The following RNF121 variants were observed in gnomAD, a reference collection of about 807,000 sequenced individuals.
RNF121 encodes the protein E3 ubiquitin ligase RNF121.
RNF121 carries 21 observed loss-of-function variants against 46.5 expected under a neutral mutation model. The observed-to-expected ratio is 0.45, with a 90% CI of 0.32 to 0.65. The LOEUF is 0.65. Among genes scored for constraint, RNF121 ranks in the 30% least tolerant of loss-of-function variants. The pLI is 0.04. For missense variants in RNF121, 346 were observed against 416.0 expected, an observed-to-expected ratio of 0.83 and a Z score of 1.46; for synonymous variants, 139 against 144.7, an observed-to-expected ratio of 0.96 and a Z score of 0.28.
intron 3 of RNF121, among the ~76,000 whole-genome samples, chr11:71,970,611 A>G (rs956229515): frequency 6.6e-6 from 1 of 152,144 alleles, no homozygotes; most frequent in African/African-American, 2.4e-5. Context: ...TCAGTAAACT[A>G]TGATCACGTC....
chr11:71,970,512 A>ATTT (rs1406876434), intron 3 of RNF121, among the ~76,000 whole-genome samples: 9 of 152,094 alleles, frequency 5.9e-5, no homozygotes, highest in Non-Finnish European at 1.2e-4. Context: ...AATTTTAAAA[A>ATTT]TTAGCTGACT....
intron 1 of RNF121, among the ~76,000 whole-genome samples, chr11:71,940,731 C>T (rs1391519974): frequency 6.6e-6 from 1 of 152,114 alleles, no homozygotes; most frequent in African/African-American, 2.4e-5. Context: ...TGAGGTAAAC[C>T]AGACATGGGA....
intron 3 of RNF121, among the ~76,000 whole-genome samples, chr11:71,973,073 C>T (rs1195854606): frequency 2.0e-5 from 3 of 152,018 alleles, no homozygotes; most frequent in Non-Finnish European, 4.4e-5. Flanking sequence ...GTAATCCCAG[C>T]TACTCGGAAG....
chr11:71,958,877 T>G (rs1954057850), intron 2 of RNF121, among the ~76,000 whole-genome samples: 1 of 152,252 alleles, frequency 6.6e-6, no homozygotes, highest in African/African-American at 2.4e-5. Context: ...TGGTCTTTTC[T>G]AGATCATTCT....
At chr11:71,995,896 A>G (rs1437000632) in intron 8 of RNF121, among the ~76,000 whole-genome samples, 1 of 152,120 alleles carries the variant, frequency 6.6e-6, no homozygotes, top group Non-Finnish European at 1.5e-5. Context: ...ATTTATCTCT[A>G]TACCTCTCTC....
intron 4 of RNF121, among the ~76,000 whole-genome samples, chr11:71,984,436 C>T (rs1954725430): frequency 6.6e-6 from 1 of 152,050 alleles, no homozygotes; most frequent in Non-Finnish European, 1.5e-5. Flanking sequence ...CCCGCCACCA[C>T]ACCTGGCTAA....
intron 3 of RNF121, among the ~76,000 whole-genome samples, chr11:71,975,666 A>G (rs980859890): frequency 6.6e-6 from 1 of 152,328 alleles, no homozygotes; most frequent in South Asian, 2.1e-4. Context: ...AGTCATTAGC[A>G]TGGCATCCAG....
intron 1 of RNF121, among the ~76,000 whole-genome samples, chr11:71,946,609 T>G (rs1227984907): frequency 6.6e-6 from 1 of 151,324 alleles, no homozygotes; most frequent in African/African-American, 2.4e-5. Context: ...TTACCAGGGC[T>G]TGGGGATGGG....
intron 1 of RNF121, among the ~76,000 whole-genome samples, chr11:71,946,112 A>AAAAAG (rs748193761): frequency 8.5e-5 from 13 of 152,120 alleles, no homozygotes; most frequent in South Asian, 4.2e-4. Context: ...CTCTGCCTTA[A>AAAAAG]AAAAGAAAAG....
At chr11:71,947,650 G>C (rs1433880219) in intron 1 of RNF121, among the ~76,000 whole-genome samples, 1 of 152,172 alleles carries the variant, frequency 6.6e-6, no homozygotes, top group African/African-American at 2.4e-5. Flanking sequence ...AAGGTCGCTG[G>C]TTGGGCCATA....
chr11:71,955,690 T>G (rs1953974284), intron 1 of RNF121, among the ~76,000 whole-genome samples: 1 of 152,106 alleles, frequency 6.6e-6, no homozygotes, highest in African/African-American at 2.4e-5. Context: ...ATAGATAGGC[T>G]TGGTAAGATG....
chr11:71,959,067 G>C (rs573091914), intron 2 of RNF121, among the ~76,000 whole-genome samples: 1 of 152,284 alleles, frequency 6.6e-6, no homozygotes, highest in Middle Eastern at 3.4e-3. Flanking sequence ...CCTTTTGACA[G>C]ATGAAGAAAT....
chr11:71,968,641 CACTA>C (rs1351498926), intron 3 of RNF121, among the ~76,000 whole-genome samples: 1 of 152,150 alleles, frequency 6.6e-6, no homozygotes, highest in Non-Finnish European at 1.5e-5. Context: ...TAATTAATAA[CACTA>C]GCTAGCATTT....
At position 71,948,539 on chromosome 11, in the gene RNF121, A is replaced by T. The variant is rs993838552; in HGVS notation, c.64-8688A>T. Among the ~76,000 whole-genome samples, 5 of 144,940 alleles carry T rather than the reference A, an allele frequency of 3.4e-5. No individual in the cohort carries two copies. In the South Asian group the frequency reaches 1.1e-3, roughly 31 times the overall value. ...AAAAAAAAAAAAAAAAAAAAAAAAA[A>T]GCTTATCAACTCAGCTGGCCAGGAG... On this transcript the variant is annotated intron_variant, in intron 1 of 8. Coordinates refer to ENST00000361756, the MANE Select transcript of RNF121 (RefSeq NM_018320.5).
chr11:71,958,835 A>G (rs932256561), intron 2 of RNF121, among the ~76,000 whole-genome samples: 8 of 152,234 alleles, frequency 5.3e-5, no homozygotes, highest in African/African-American at 1.9e-4. Context: ...TGATTTTTGC[A>G]TTGGGTGGGA....
Position 71,994,870 on chromosome 11 carries a change from C to T in RNF121, c.761+18C>T. The T allele has an allele frequency of 6.2e-7, 1 of 1,614,054 alleles. No individual in the cohort carries two copies. The highest frequency in any genetic ancestry group is 8.5e-7 in the Non-Finnish European group (1 of 1,179,980). On this transcript the variant is annotated intron_variant, in intron 7 of 8. Coordinates refer to ENST00000361756, the MANE Select transcript of RNF121 (RefSeq NM_018320.5). ...AATCATGTGTATCCTGCCTCGAGCT[C>T]CTGGGCCACATCTCTCCTGCAATCT...
At chr11:71,973,166 A>G (rs145831280) in intron 3 of RNF121, among the ~76,000 whole-genome samples, 372 of 152,102 alleles carry the variant, frequency 2.4e-3, no homozygotes, top group Middle Eastern at 0.01. Flanking sequence ...AGCCTAGGCA[A>G]CAAGAGTGAA....
chr11:71,960,708 C>T (rs1246041384), intron 2 of RNF121, 42 bp from the exon 3 acceptor site: 1 of 1,595,702 alleles, frequency 6.3e-7, no homozygotes, highest in Admixed American at 1.7e-5. Flanking sequence ...TTTATCACTA[C>T]AGCATCCCTG....
chr11:71,945,427 A>G (rs534694454), intron 1 of RNF121, among the ~76,000 whole-genome samples: 4 of 152,340 alleles, frequency 2.6e-5, no homozygotes, highest in Admixed American at 6.5e-5. Flanking sequence ...TTCTTCTGCA[A>G]TATCATCCCC....
Sources: gnomAD v4.1 joint callset for allele counts (sites outside exome capture counted in the v4.1 genomes callset) on GRCh38, gnomAD v4.1.1 for gene constraint, MANE v1.5 for transcripts, NCBI Gene and HGNC (gene_info 2026-07-23, HGNC 2026-07-21) for gene names.